Variants in NR6A1 observed in about 807,000 individuals in gnomAD.
NR6A1 encodes the protein nuclear receptor subfamily 6 group A member 1.
A neutral mutation model predicts 59.1 loss-of-function variants in NR6A1; 7 were observed. That is an observed-to-expected ratio of 0.12 (90% confidence interval 0.07 to 0.22). NR6A1 has a LOEUF of 0.22. Among genes scored for constraint, NR6A1 ranks in the 10% least tolerant of loss-of-function variants. The probability of loss-of-function intolerance (pLI) is 1.00; values close to 1 mark genes in which losing one functional copy is unlikely to be tolerated. For synonymous variants in NR6A1, 243 were observed against 236.1 expected, an observed-to-expected ratio of 1.03 and a Z score of -0.27; for missense variants, 468 against 611.6, an observed-to-expected ratio of 0.77 and a Z score of 2.48.
At chr9:124,742,422 G>A (rs1235422485) in intron 1 of NR6A1, among the ~76,000 whole-genome samples, 2 of 152,120 alleles carry the variant, frequency 1.3e-5, no homozygotes, top group Non-Finnish European at 2.9e-5. Flanking sequence ...TTAGCCGGGT[G>A]TGGTGGCGCA....
intron 2 of NR6A1, among the ~76,000 whole-genome samples, chr9:124,568,169 CA>C (rs34652433): frequency 0.073 from 2,214 of 30,304 alleles, 42 homozygotes; most frequent in East Asian, 0.23. Context: ...TACTTCATCT[CA>C]AAAAAAAAAA....
chr9:124,561,120 T>C (rs1009474404), intron 2 of NR6A1, among the ~76,000 whole-genome samples: 1 of 151,940 alleles, frequency 6.6e-6, no homozygotes, highest in Non-Finnish European at 1.5e-5. Context: ...TTATATTAAA[T>C]TATATTAATA....
At chr9:124,666,510 C>T (rs1397639894) in intron 2 of NR6A1, among the ~76,000 whole-genome samples, 1 of 152,136 alleles carries the variant, frequency 6.6e-6, no homozygotes, top group East Asian at 1.9e-4. Flanking sequence ...AACGCCTGGG[C>T]TCAAGCAATC....
chr9:124,703,285 G>A (rs759629909), intron 2 of NR6A1, among the ~76,000 whole-genome samples: 4 of 145,984 alleles, frequency 2.7e-5, no homozygotes, highest in African/African-American at 1.0e-4. Context: ...CAATCATAGC[G>A]TACTGCATTC....
Position 124,564,086 on chromosome 9 carries a change from CCAA to C in NR6A1, c.143-9519_143-9517del, listed in dbSNP as rs575138169. ...AAGCAAGACGCTGTCTCTAAAAAAACCAACAACAACAACAAAAAGAAAAATTCA... is the reference window on the plus strand; with the variant it reads ...AAGCAAGACGCTGTCTCTAAAAAAACCAACAACAACAAAAAGAAAAATTCA... On this transcript the variant is annotated intron_variant, in intron 2 of 9. Transcript: ENST00000487099. Among the ~76,000 whole-genome samples the C allele has an allele frequency of 3.4e-4, 51 of 152,086 alleles. No individual in the cohort carries two copies. The South Asian group carries it at 8.3e-3, about 25-fold the overall frequency.
At chr9:124,648,546 C>A (rs888950691) in intron 2 of NR6A1, among the ~76,000 whole-genome samples, 7 of 152,014 alleles carry the variant, frequency 4.6e-5, no homozygotes, top group Admixed American at 3.9e-4. Context: ...ACATGAATGC[C>A]GACTTTCATC....
chr9:124,551,886 A>G (rs1197669915), intron 3 of NR6A1, among the ~76,000 whole-genome samples: 1 of 152,206 alleles, frequency 6.6e-6, no homozygotes, highest in Non-Finnish European at 1.5e-5. Context: ...CGGCAACTGC[A>G]ATTTTAATCC....
At chr9:124,561,409 G>C (rs1425631006) in intron 2 of NR6A1, among the ~76,000 whole-genome samples, 1 of 152,164 alleles carries the variant, frequency 6.6e-6, no homozygotes, top group Non-Finnish European at 1.5e-5. Context: ...CTGCACTCCA[G>C]CCTACGGGGC....
chr9:124,585,753 G>A (rs1392611880), intron 2 of NR6A1, among the ~76,000 whole-genome samples: 1 of 152,078 alleles, frequency 6.6e-6, no homozygotes, highest in Non-Finnish European at 1.5e-5. Context: ...CAAAAAATAG[G>A]CTGACTCTCT....
rs560118894 is a variant in NR6A1, at chr9:124,740,643, T to C, written c.101-7294A>G. On this transcript the variant is annotated intron_variant, in intron 1 of 9. Coordinates refer to ENST00000487099, the MANE Select transcript of NR6A1 (RefSeq NM_033334.4). The stretch of plus-strand genomic sequence containing the variant: ...AACCTGAATTCAGAGAACCCAAGGT[T>C]TCAGAGAAGTCTGTTTTTCCAGGAT... Among the ~76,000 whole-genome samples the C allele has an allele frequency of 5.9e-4, 90 of 152,264 alleles. 1 individual carries two copies. The South Asian group carries it at 0.018, about 31-fold the overall frequency.
At chr9:124,728,005 TA>T (rs201600116) in intron 2 of NR6A1, among the ~76,000 whole-genome samples, 43 of 150,740 alleles carry the variant, frequency 2.9e-4, no homozygotes, top group Admixed American at 9.9e-4. Flanking sequence ...TTTTATTTTT[TA>T]TTTTTATTTT....
At chr9:124,766,109 T>C (rs548268344) in intron 1 of NR6A1, among the ~76,000 whole-genome samples, 26 of 152,322 alleles carry the variant, frequency 1.7e-4, no homozygotes, top group African/African-American at 5.8e-4. Context: ...CAGCTGAATC[T>C]GAAACTTAAG....
At chr9:124,540,821 C>G (rs1043425118) in intron 4 of NR6A1, among the ~76,000 whole-genome samples, 1 of 151,912 alleles carries the variant, frequency 6.6e-6, no homozygotes, top group Non-Finnish European at 1.5e-5. Flanking sequence ...AAAACAAAAC[C>G]AAACAAAAAA....
intron 2 of NR6A1, among the ~76,000 whole-genome samples, chr9:124,608,194 T>C (rs994981779): frequency 6.6e-6 from 1 of 152,248 alleles, no homozygotes; most frequent in Non-Finnish European, 1.5e-5. Flanking sequence ...GCAGGTTTGT[T>C]ACACAGGTAA....
At chr9:124,752,161 C>T (rs115770425) in intron 1 of NR6A1, among the ~76,000 whole-genome samples, 2,497 of 152,178 alleles carry the variant, frequency 0.016, 74 homozygotes, top group East Asian at 0.15. Flanking sequence ...CCTGGCTACT[C>T]GGGCTCCTGA....
chr9:124,743,574 A>G (rs1449699467), intron 1 of NR6A1, among the ~76,000 whole-genome samples: 1 of 152,236 alleles, frequency 6.6e-6, no homozygotes, highest in Non-Finnish European at 1.5e-5. Flanking sequence ...TGATCAACCT[A>G]CATCACCTTT....
chr9:124,688,045 G>A (rs1013161423), intron 2 of NR6A1, among the ~76,000 whole-genome samples: 3 of 152,178 alleles, frequency 2.0e-5, no homozygotes, highest in African/African-American at 7.2e-5. Context: ...AAGTTGGCTG[G>A]GCACAGTGGC....
At chr9:124,655,234 AACTG>A (rs1323364101) in intron 2 of NR6A1, among the ~76,000 whole-genome samples, 1 of 152,196 alleles carries the variant, frequency 6.6e-6, no homozygotes, top group Admixed American at 6.5e-5. Context: ...ACTGATCATC[AACTG>A]ACTATGAAGT....
intron 2 of NR6A1, among the ~76,000 whole-genome samples, chr9:124,594,940 G>A (rs1835229227): frequency 6.6e-6 from 1 of 152,206 alleles, no homozygotes; most frequent in South Asian, 2.1e-4. Context: ...GCTTCAAAGA[G>A]TCGGGAACTC....
Sources: allele counts gnomAD v4.1 joint callset (sites outside exome capture counted in the v4.1 genomes callset), GRCh38; gene constraint gnomAD v4.1.1; transcripts MANE v1.5; gene names NCBI Gene and HGNC (gene_info 2026-07-23, HGNC 2026-07-21).